Variants in SRPK2 observed in about 807,000 individuals in gnomAD.
The protein encoded by SRPK2 is SFRS protein kinase 2.
A neutral mutation model predicts 90.8 loss-of-function variants in SRPK2; 21 were observed. That is an observed-to-expected ratio of 0.23 (90% CI 0.16 to 0.33). The LOEUF (loss-of-function observed/expected upper bound fraction) is 0.33. Ranked by LOEUF, SRPK2 falls within the 10% of genes least tolerant of loss-of-function variation. The probability of loss-of-function intolerance (pLI) is 1.00; values close to 1 mark genes in which losing one functional copy is unlikely to be tolerated. For missense variants in SRPK2, 620 were observed against 869.0 expected (o/e 0.71, Z 3.60); for synonymous variants, 288 against 311.1 (o/e 0.93, Z 0.78).
intron 3 of SRPK2, among the ~76,000 whole-genome samples, chr7:105,187,979 G>T (rs1793804034): frequency 1.3e-5 from 2 of 152,126 alleles, no homozygotes; most frequent in East Asian, 3.8e-4. Context: ...GAAATAATCT[G>T]ACAGCTCCTT....
intron 2 of SRPK2, among the ~76,000 whole-genome samples, chr7:105,331,308 CAAAA>C (rs57653042): frequency 6.7e-4 from 30 of 45,092 alleles, no homozygotes; most frequent in African/African-American, 1.9e-3. Context: ...GACTCCGTCT[CAAAA>C]AAAAAAAAAA....
chr7:105,158,268 T>TTC (rs1554427854), intron 7 of SRPK2, among the ~76,000 whole-genome samples: 2 of 151,368 alleles, frequency 1.3e-5, no homozygotes, highest in African/African-American at 4.9e-5. Context: ...TTTTTTTTTT[T>TTC]CCCTGAGATG....
At chr7:105,333,969 C>A (rs1814751700) in intron 2 of SRPK2, among the ~76,000 whole-genome samples, 1 of 152,212 alleles carries the variant, frequency 6.6e-6, no homozygotes, top group Non-Finnish European at 1.5e-5. Flanking sequence ...GTTGCCCAGG[C>A]TGGAGTGCAG....
chr7:105,283,876 G>A (rs996272836), intron 2 of SRPK2, among the ~76,000 whole-genome samples: 1 of 151,848 alleles, frequency 6.6e-6, no homozygotes, highest in Non-Finnish European at 1.5e-5. Flanking sequence ...TACGCCTGTG[G>A]TCCCAGCTAC....
At chr7:105,167,239 C>A (rs1421455680) in intron 6 of SRPK2, 138 bp downstream of exon 6, 2 of 588,036 alleles carry the variant, frequency 3.4e-6, no homozygotes, top group East Asian at 6.0e-5. Flanking sequence ...TCTAGGTGGA[C>A]CACTTCATAA....
rs756372923 is a variant in SRPK2, at chr7:105,118,000, C to T, written c.1938G>A (p.Lys646=). The change falls in exon 16 of 16, where the codon AAG becomes AAA. Residue 646 remains lysine, a synonymous_variant. Transcript: ENST00000393651. ...CATCAAAGAGGCTCCAGGGCTTCAG[C>T]TTGGTGATGTGTCGCAGTTCTCCTA... ...NRRGELRHIT[K]LKPWSLFDVL... The T allele has an allele frequency of 2.5e-6, 4 of 1,614,132 alleles. No individual in the cohort carries two copies. Among genetic ancestry groups the T allele is most frequent in the East Asian group, 2.2e-5 (1 of 44,876 alleles).
intron 2 of SRPK2, chr7:105,268,690 C>G: frequency 8.4e-7 from 1 of 1,184,524 alleles, no homozygotes; most frequent in Non-Finnish European, 1.2e-6. Flanking sequence ...CAGCACAATA[C>G]CAGCATGCAG....
intron 2 of SRPK2, among the ~76,000 whole-genome samples, chr7:105,284,050 GT>G (rs1305887375): frequency 6.6e-5 from 10 of 152,064 alleles, no homozygotes. Flanking sequence ...TTACTTGGGC[GT>G]TTTTTGTTTG....
At chr7:105,297,819 G>A (rs1810025605) in intron 2 of SRPK2, among the ~76,000 whole-genome samples, 1 of 142,832 alleles carries the variant, frequency 7.0e-6, no homozygotes, top group African/African-American at 2.6e-5. Flanking sequence ...TCAGCTCACT[G>A]CAACCTCCAC....
chr7:105,289,100 CAAAA>C (rs57131530), intron 2 of SRPK2, among the ~76,000 whole-genome samples: 27,348 of 86,544 alleles, frequency 0.32, 2,961 homozygotes, highest in Middle Eastern at 0.38. Context: ...ACTTAAAGCA[CAAAA>C]AAAAAAAAAA....
In SRPK2 at chr7:105,339,529, G is replaced by C. The variant is rs140313922; in HGVS notation, c.71+49119C>G. On this transcript the variant is annotated intron_variant, in intron 2 of 15. Coordinates refer to ENST00000393651, the MANE Select transcript of SRPK2 (RefSeq NM_182692.3). ...CACCTGAGATATCCAGAAGAATTCA[G>C]AGGAAGGAACAGCAGTCCTGAACAC... 2.0e-5 allele frequency among the ~76,000 whole-genome samples: 3 copies of C among 152,316 alleles called. No individual in the cohort carries two copies. The East Asian group carries it at 5.8e-4, about 29-fold the overall frequency.
chr7:105,391,882 TACTC>T (rs1166456677), upstream of SRPK2, among the ~76,000 whole-genome samples: 1 of 152,160 alleles, frequency 6.6e-6, no homozygotes, highest in Non-Finnish European at 1.5e-5. Context: ...TGAAAACAGA[TACTC>T]AAACAAATCT....
intron 3 of SRPK2, among the ~76,000 whole-genome samples, chr7:105,198,049 C>T (rs1047822718): frequency 6.6e-5 from 10 of 152,146 alleles, no homozygotes; most frequent in Non-Finnish European, 4.4e-5. Context: ...GCAATGATTC[C>T]GCTTATATTG....
chr7:105,247,871 CTT>C (rs201687224), intron 2 of SRPK2, among the ~76,000 whole-genome samples: 17 of 139,262 alleles, frequency 1.2e-4, no homozygotes, highest in Admixed American at 2.2e-4. Context: ...CCTTAACAAT[CTT>C]TTTTTTTTTT....
At chr7:105,130,009 A>G (rs568443090) in intron 13 of SRPK2, among the ~76,000 whole-genome samples, 80 of 152,362 alleles carry the variant, frequency 5.3e-4, no homozygotes, top group Non-Finnish European at 3.1e-4. Flanking sequence ...AGAGAAACCA[A>G]TGCTTCAGCC....
chr7:105,369,974 C>G (rs993307156), intron 2 of SRPK2, among the ~76,000 whole-genome samples: 1 of 152,068 alleles, frequency 6.6e-6, no homozygotes, highest in Admixed American at 6.6e-5. Flanking sequence ...TTGCAGTGAG[C>G]CAAGATCACG....
chr7:105,193,690 G>A (rs1794583157), intron 3 of SRPK2, among the ~76,000 whole-genome samples: 1 of 152,034 alleles, frequency 6.6e-6, no homozygotes, highest in African/African-American at 2.4e-5. Context: ...CCATTTGTTT[G>A]TGTCGTCTAT....
At chr7:105,363,060 A>C (rs1473180303) in intron 2 of SRPK2, among the ~76,000 whole-genome samples, 2 of 152,088 alleles carry the variant, frequency 1.3e-5, no homozygotes, top group African/African-American at 4.8e-5. Flanking sequence ...GAGGGGAGGG[A>C]TAGCATTAGG....
chr7:105,201,151 A>G (rs904993676), intron 3 of SRPK2, among the ~76,000 whole-genome samples: 15 of 152,230 alleles, frequency 9.9e-5, no homozygotes, highest in African/African-American at 3.6e-4. Context: ...TATTCCAGAC[A>G]TTCCAAATCA....
Sources: allele counts gnomAD v4.1 joint callset (sites outside exome capture counted in the v4.1 genomes callset), GRCh38; gene constraint gnomAD v4.1.1; transcripts MANE v1.5; gene names NCBI Gene and HGNC (gene_info 2026-07-23, HGNC 2026-07-21).